Variants in BCO2 observed in about 807,000 individuals in gnomAD.
BCO2 encodes the protein carotenoid-cleaving dioxygenase, mitochondrial.
A neutral mutation model predicts 65.8 loss-of-function variants in BCO2; 56 were observed. The observed-to-expected ratio is 0.85, with a 90% CI of 0.69 to 1.06. BCO2 has a LOEUF of 1.06. BCO2 is among the 50% of genes least tolerant of loss of function. The pLI is 0.00. For synonymous variants in BCO2, 233 were observed against 242.3 expected (o/e 0.96, Z 0.36); for missense variants, 675 against 698.5 (o/e 0.97, Z 0.38).
intron 6 of BCO2, chr11:112,200,343 A>G (rs1450104113): frequency 6.9e-6 from 2 of 290,108 alleles, no homozygotes; most frequent in Non-Finnish European, 1.2e-5. Flanking sequence ...TTCCTAAACC[A>G]AATAATTTAA....
chr11:112,189,714 GT>G (rs1179216757), intron 2 of BCO2, among the ~76,000 whole-genome samples: 1 of 152,068 alleles, frequency 6.6e-6, no homozygotes, highest in Non-Finnish European at 1.5e-5. Flanking sequence ...AGAGAGGGAA[GT>G]TTTAAGTAGA....
chr11:112,204,542 C>T (rs1256481554), intron 8 of BCO2, among the ~76,000 whole-genome samples: 1 of 152,190 alleles, frequency 6.6e-6, no homozygotes, highest in Non-Finnish European at 1.5e-5. Flanking sequence ...GATAGCAAGA[C>T]CAACCCCTCT....
rs778555139 is a variant in BCO2, at chr11:112,192,627, T to G, written c.294-847T>G. Among the ~76,000 whole-genome samples, 14 of 151,596 alleles carry G rather than the reference T, an allele frequency of 9.2e-5. 1 individual carries two copies. Among genetic ancestry groups the G allele is most frequent in the South Asian group, 6.3e-4 (3 of 4,800 alleles). ...TGGAAACTTTAATACATATAAGATA[T>G]GAAGATAACTATTTCTAAAAGCTTA... On this transcript the variant is annotated intron_variant, in intron 2 of 11. Coordinates refer to ENST00000357685, the MANE Select transcript of BCO2 (RefSeq NM_031938.7).
intron 2 of BCO2, chr11:112,181,689 T>C: frequency 1.0e-6 from 1 of 973,712 alleles, no homozygotes; most frequent in Non-Finnish European, 1.7e-6. Flanking sequence ...CCAAAAGGAA[T>C]TTGTCCGATT....
chr11:112,182,853 A>ATG (rs889138113), intron 2 of BCO2: 91 of 917,952 alleles, frequency 9.9e-5, no homozygotes, highest in Non-Finnish European at 1.5e-4. Flanking sequence ...ATATATATAT[A>ATG]AAAAGATGCT....
At chr11:112,196,449 T>G (rs1372936505) in intron 5 of BCO2, among the ~76,000 whole-genome samples, 1 of 152,232 alleles carries the variant, frequency 6.6e-6, no homozygotes, top group Non-Finnish European at 1.5e-5. Flanking sequence ...GTTTTAGCTT[T>G]TCTAGATATT....
rs1257846428 is a variant in BCO2 at position 112,182,884 on chromosome 11, CA to C, written c.293+3403del. On this transcript the variant is annotated intron_variant, in intron 2 of 11. Coordinates refer to ENST00000357685, the MANE Select transcript of BCO2 (RefSeq NM_031938.7). ...ATGCTCTGTTCTAATGTGGAAGGAG[CA>C]TCCCTGAAACTGTGTAATTTTGAGG... 6 of 1,251,560 alleles carry C rather than the reference CA, an allele frequency of 4.8e-6. No individual in the cohort carries two copies. The African/African-American group carries it at 8.8e-5, about 18-fold the overall frequency. The allele number at this position is 1,251,560 out of a possible 1,614,324, so 77.5% of individuals were successfully genotyped here. A position where few individuals can be genotyped will look rare whatever the true frequency, so the allele number is the denominator to read the frequency against.
In BCO2 at chr11:112,179,448, A is replaced by G. The variant is rs1402341580; in HGVS notation, c.259A>G (p.Ile87Val). The change falls in exon 2 of 12, where the codon ATT (isoleucine) becomes GTT (valine). Residue 87 changes from isoleucine to valine, a missense_variant. Transcript: ENST00000357685. ...PKWLNGSLLRIGPGKFEFGKD... is the reference protein window; with the variant it reads ...PKWLNGSLLRVGPGKFEFGKD... ...GTGGCTCAATGGCTCTCTACTTCGA[A>G]TTGGACCTGGGAAATTCGAGTTTGG... 1 of 1,614,110 alleles carries G rather than the reference A, an allele frequency of 6.2e-7. No homozygotes were observed. The highest frequency in any genetic ancestry group is 1.7e-5 in the Admixed American group (1 of 60,014).
chr11:112,210,461 T>C (rs866837075), intron 8 of BCO2, among the ~76,000 whole-genome samples: 14 of 152,240 alleles, frequency 9.2e-5, no homozygotes. Flanking sequence ...GACTATTTCT[T>C]GTTTATTCTT....
rs545861467 is a variant in BCO2, at chr11:112,203,563, A to G, written c.1194+1373A>G. Among the ~76,000 whole-genome samples the G allele has an allele frequency of 4.6e-5, 7 of 152,376 alleles. No homozygotes were observed. In the South Asian group the frequency reaches 8.3e-4, roughly 18 times the overall value. On this transcript the variant is annotated intron_variant, in intron 8 of 11. Transcript: ENST00000357685. ...GGTTAGTATAGTGAGGCAGATTAAC[A>G]TATCTATCATCTCACATGTTACTTT...
intron 2 of BCO2, chr11:112,180,653 G>A (rs531585113): frequency 4.3e-6 from 3 of 691,122 alleles, no homozygotes; most frequent in African/African-American, 3.5e-5. Flanking sequence ...AGGGCAGAAA[G>A]GTGGCGAAGG....
intron 2 of BCO2, among the ~76,000 whole-genome samples, chr11:112,191,288 A>G (rs940307044): frequency 6.6e-6 from 1 of 152,168 alleles, no homozygotes; most frequent in Non-Finnish European, 1.5e-5. Flanking sequence ...AACTAAATTT[A>G]ACAATAAAAG....
At chr11:112,196,749 A>G (rs1469772945) in intron 5 of BCO2, among the ~76,000 whole-genome samples, 1 of 152,184 alleles carries the variant, frequency 6.6e-6, no homozygotes, top group East Asian at 1.9e-4. Flanking sequence ...GCATTACAAA[A>G]TTAACTTGTC....
intron 2 of BCO2, among the ~76,000 whole-genome samples, chr11:112,189,764 A>G (rs187148986): frequency 6.6e-6 from 1 of 152,160 alleles, no homozygotes; most frequent in Non-Finnish European, 1.5e-5. Context: ...TATTAAGGAA[A>G]TGTTTCTCAA....
At chr11:112,207,276 A>G (rs1859373338) in intron 8 of BCO2, among the ~76,000 whole-genome samples, 1 of 152,214 alleles carries the variant, frequency 6.6e-6, no homozygotes, top group Non-Finnish European at 1.5e-5. Flanking sequence ...TATTAAATAT[A>G]AAATTGCTAT....
intron 2 of BCO2, chr11:112,180,658 C>T (rs1343642730): frequency 1.2e-5 from 8 of 673,802 alleles, no homozygotes; most frequent in Admixed American, 6.5e-5. Flanking sequence ...AGAAAGGTGG[C>T]GAAGGGAGGC....
At chr11:112,205,300 A>C (rs1335160514) in intron 8 of BCO2, among the ~76,000 whole-genome samples, 3 of 151,844 alleles carry the variant, frequency 2.0e-5, no homozygotes, top group African/African-American at 7.3e-5. Context: ...TTTCTTCTAC[A>C]CCCTTGCCAA....
chr11:112,195,670 C>T (rs1867551348), intron 5 of BCO2, among the ~76,000 whole-genome samples: 2 of 151,730 alleles, frequency 1.3e-5, no homozygotes, highest in Admixed American at 1.3e-4. Flanking sequence ...TCTTGAACTC[C>T]TGACCTCAAG....
rs1281213995 is a variant in BCO2, at chr11:112,175,623, C to T, written c.22C>T (p.His8Tyr). The part of the protein sequence containing the change: MFFRVFL[H>Y]FIRSHSATAV... ...AAAAATGTTTTTTCGAGTCTTTCTC[C>T]ATTTTATCAGGAGTCATTCTGCCAC... Residue 8 changes from histidine (H) to tyrosine (Y), a missense_variant, in exon 1 of 12, where the codon CAT becomes TAT. Physicochemically the swap from His to Tyr is moderately conservative, Grantham distance 83 (BLOSUM62 2). Coordinates refer to ENST00000357685, the MANE Select transcript of BCO2 (RefSeq NM_031938.7). 1.9e-6 allele frequency: 3 copies of T among 1,613,904 alleles called. No homozygotes were observed. The highest frequency in any genetic ancestry group is 1.1e-5 in the South Asian group (1 of 91,070).
Sources: allele counts gnomAD v4.1 joint callset (sites outside exome capture counted in the v4.1 genomes callset), GRCh38; gene constraint gnomAD v4.1.1; transcripts MANE v1.5; gene names NCBI Gene and HGNC (gene_info 2026-07-23, HGNC 2026-07-21).